PDPN: variants seen among roughly 807,000 people sequenced by gnomAD.
PDPN encodes PA2.26 antigen.
In PDPN, 12 loss-of-function variants were observed where a neutral mutation model predicts 23.2. The observed-to-expected ratio is 0.52, with a 90% CI of 0.33 to 0.84. The LOEUF is 0.84. PDPN is among the 40% of genes least tolerant of loss of function. The pLI, the probability that PDPN is intolerant of heterozygous loss-of-function variation, is 0.02. For synonymous variants in PDPN, 77 were observed against 76.7 expected (o/e 1.00, Z -0.02); for missense variants, 199 against 212.2 (o/e 0.94, Z 0.39).
At chr1:13,599,082 C>A (rs1640572486) in intron 1 of PDPN, among the ~76,000 whole-genome samples, 1 of 146,624 alleles carries the variant, frequency 6.8e-6, no homozygotes. Context: ...GCAATCTTGG[C>A]TCACTGCAAC....
chr1:13,615,829 A>C, intron 5 of PDPN, 76 bp from the exon 6 acceptor site: 2 of 1,309,646 alleles, frequency 1.5e-6, no homozygotes, highest in South Asian at 2.4e-5. Flanking sequence ...AAAGGACAAT[A>C]GGAAAAAGGA....
At chr1:13,611,107 G>A (rs866534636) in intron 3 of PDPN, among the ~76,000 whole-genome samples, 1 of 152,052 alleles carries the variant, frequency 6.6e-6, no homozygotes, top group Non-Finnish European at 1.5e-5. Flanking sequence ...TGTAGTCCCA[G>A]CTACTTGGGA....
intron 1 of PDPN, among the ~76,000 whole-genome samples, chr1:13,590,683 G>C (rs1006723111): frequency 1.3e-5 from 2 of 152,096 alleles, no homozygotes; most frequent in African/African-American, 4.8e-5. Context: ...GGGTTGAGTT[G>C]GGCAATGGCA....
rs12037026 is a variant in PDPN, at chr1:13,593,250, A to G, written c.67+9150A>G. On this transcript the variant is annotated intron_variant, in intron 1 of 5. Transcript: ENST00000621990. ...CAGGTAGGAGGGATGAGAGATTAGGAACCAACTTGGTAAGGAAAAGGTATT... is the reference window on the plus strand; with the variant it reads ...CAGGTAGGAGGGATGAGAGATTAGGGACCAACTTGGTAAGGAAAAGGTATT... Among the ~76,000 whole-genome samples the G allele has an allele frequency of 8.1e-3, 1,238 of 152,284 alleles. 44 individuals are homozygous for G. The East Asian group carries it at 0.11, about 13-fold the overall frequency.
Position 13,600,698 on chromosome 1 carries a change from ACTAATT to A in PDPN, c.68-6472_68-6467del, listed in dbSNP as rs1270805510. Among the ~76,000 whole-genome samples the A allele has an allele frequency of 6.6e-5, 10 of 152,288 alleles. No individual in the cohort carries two copies. The East Asian group carries it at 1.9e-3, about 29-fold the overall frequency. On this transcript the variant is annotated intron_variant, in intron 1 of 5. Transcript: ENST00000621990. Reference sequence around the variant, plus strand: ...TAACTTCCGACCTTGTTAAAGAAACACTAATTCTGACACTTGTTGAAATTGTACGGA... The same window carrying A: ...TAACTTCCGACCTTGTTAAAGAAACACTGACACTTGTTGAAATTGTACGGA...
chr1:13,595,922 G>T (rs917848026), intron 1 of PDPN: 4 of 1,266,432 alleles, frequency 3.2e-6, no homozygotes, highest in African/African-American at 1.5e-5. Flanking sequence ...TTCCGGCCGG[G>T]TGCAGTGGCT....
At chr1:13,605,066 T>C (rs568715797) in intron 1 of PDPN, among the ~76,000 whole-genome samples, 4 of 152,350 alleles carry the variant, frequency 2.6e-5, no homozygotes, top group Non-Finnish European at 4.4e-5. Flanking sequence ...AGCAGGCTCA[T>C]AGAACAAGTG....
At chr1:13,595,765 C>A in intron 1 of PDPN, 2 of 761,282 alleles carry the variant, frequency 2.6e-6, no homozygotes, top group Middle Eastern at 3.5e-4. Flanking sequence ...AACGGCAGGG[C>A]AGCCAAGTTC....
intron 1 of PDPN, among the ~76,000 whole-genome samples, chr1:13,586,884 T>C (rs1403817777): frequency 1.3e-5 from 2 of 151,838 alleles, no homozygotes; most frequent in African/African-American, 4.8e-5. Flanking sequence ...AAACCCCGTC[T>C]CTACTAAAAA....
Position 13,607,393 on chromosome 1 carries a change from A to C in PDPN, c.201+87A>C, listed in dbSNP as rs577950481. The C allele has an allele frequency of 1.8e-5, 17 of 945,516 alleles. No individual in the cohort carries two copies. The African/African-American group carries it at 2.7e-4, about 15-fold the overall frequency. 58.6% of individuals were successfully genotyped at this position (945,516 alleles called of 1,614,324 possible). On this transcript the variant is annotated intron_variant, in intron 2 of 5. Coordinates refer to ENST00000621990, the MANE Select transcript of PDPN (RefSeq NM_006474.5). ...ATGTATATTAATTTACTTTATATAA[A>C]AATATATCTATCTATAAAATCAGCA... is the stretch of plus-strand genomic sequence containing the variant.
At chr1:13,598,269 G>A (rs112727318) in intron 1 of PDPN, among the ~76,000 whole-genome samples, 41 of 151,980 alleles carry the variant, frequency 2.7e-4, no homozygotes, top group African/African-American at 9.6e-4. Context: ...TGCCCTCCTC[G>A]GCCTCCCTAA....
rs1185566029 is a variant in PDPN at position 13,615,966 on chromosome 1, ACT to A, written c.*58_*59del. ...CGTGCTTAAAAAAAGACCGTTTCTG[ACT>A]CTGTGCCCTGTCCCTGAGCTCGTGG... On this transcript the variant is annotated 3_prime_UTR_variant, in exon 6 of 6. Coordinates refer to ENST00000621990, the MANE Select transcript of PDPN (RefSeq NM_006474.5). The A allele has an allele frequency of 6.4e-7, 1 of 1,560,444 alleles. No homozygotes were observed. Among genetic ancestry groups the A allele is most frequent in the East Asian group, 2.2e-5 (1 of 44,588 alleles).
Position 13,616,138 on chromosome 1 carries a change from T to G in PDPN, c.*227T>G. The G allele has an allele frequency of 1.7e-6, 1 of 579,714 alleles. No homozygotes were observed. The highest frequency in any genetic ancestry group is 3.1e-6 in the Non-Finnish European group (1 of 324,372). The allele number at this position is 579,714 out of a possible 1,614,324, so 35.9% of individuals were successfully genotyped here. A position where few individuals can be genotyped will look rare whatever the true frequency, so the allele number is the denominator to read the frequency against. ...GTTCAAACATGTTTTTGAATATACATTCTATAAAAGATTATTTGAAAGACA... is the reference window on the plus strand; with the variant it reads ...GTTCAAACATGTTTTTGAATATACAGTCTATAAAAGATTATTTGAAAGACA... On this transcript the variant is annotated 3_prime_UTR_variant, in exon 6 of 6. Coordinates refer to ENST00000621990, the MANE Select transcript of PDPN (RefSeq NM_006474.5).
At chr1:13,604,602 T>C (rs988620094) in intron 1 of PDPN, among the ~76,000 whole-genome samples, 2 of 133,756 alleles carry the variant, frequency 1.5e-5, no homozygotes, top group Non-Finnish European at 3.3e-5. Context: ...CATTGAGCAC[T>C]TGATTTTTTT....
At position 13,616,715 on chromosome 1, in the gene PDPN, C is replaced by G. The variant is rs528422791; in HGVS notation, c.*804C>G. On this transcript the variant is annotated 3_prime_UTR_variant, in exon 6 of 6. Transcript: ENST00000621990. Reference sequence around the variant, plus strand: ...GAGCCAGGGCTAAGGGGGCAGCCTTCTCTCTTCCCAGTGATGCACATCCTT... The same window carrying G: ...GAGCCAGGGCTAAGGGGGCAGCCTTGTCTCTTCCCAGTGATGCACATCCTT... 4.6e-5 allele frequency: 7 copies of G among 152,452 alleles called. No homozygotes were observed. 9.4% of individuals were successfully genotyped at this position (152,452 alleles called of 1,614,324 possible).
Position 13,583,832 on chromosome 1 carries a change from A to T in PDPN, c.-202A>T. The T allele has an allele frequency of 2.6e-6, 4 of 1,568,020 alleles. No individual in the cohort carries two copies. Among genetic ancestry groups the T allele is most frequent in the Non-Finnish European group, 3.5e-6 (4 of 1,158,170 alleles). ...TGCTGACTCCGCTCGGAAAGTTCTC[A>T]ACTGCAAAGTTTGCTGTCCGGCTGC... On this transcript the variant is annotated 5_prime_UTR_variant, in exon 1 of 6. Transcript: ENST00000621990.
chr1:13,584,842 T>C (rs1239536074), intron 1 of PDPN, among the ~76,000 whole-genome samples: 2 of 152,178 alleles, frequency 1.3e-5, no homozygotes, highest in African/African-American at 2.4e-5. Flanking sequence ...TTTAAATATT[T>C]TGTATCCCAT....
chr1:13,588,644 A>G (rs892038401), intron 1 of PDPN, among the ~76,000 whole-genome samples: 3 of 147,398 alleles, frequency 2.0e-5, no homozygotes, highest in Non-Finnish European at 3.0e-5. Context: ...ATATAACTAT[A>G]TATTATATAT....
chr1:13,616,135 A>G lies in PDPN; in HGVS notation c.*224A>G, dbSNP rs74058148. The G allele has an allele frequency of 5.9e-3, 3,440 of 582,774 alleles. 87 individuals carry two copies. The highest frequency in any genetic ancestry group is 0.058 in the African/African-American group (3,081 of 53,576). 36.1% of individuals were successfully genotyped at this position (582,774 alleles called of 1,614,324 possible). Reference sequence around the variant, plus strand: ...GCTGTTCAAACATGTTTTTGAATATACATTCTATAAAAGATTATTTGAAAG... The same window carrying G: ...GCTGTTCAAACATGTTTTTGAATATGCATTCTATAAAAGATTATTTGAAAG... On this transcript the variant is annotated 3_prime_UTR_variant, in exon 6 of 6. Coordinates refer to ENST00000621990, the MANE Select transcript of PDPN (RefSeq NM_006474.5).
Sources: gnomAD v4.1 joint callset for allele counts (sites outside exome capture counted in the v4.1 genomes callset) on GRCh38, gnomAD v4.1.1 for gene constraint, MANE v1.5 for transcripts, NCBI Gene and HGNC (gene_info 2026-07-23, HGNC 2026-07-21) for gene names.